Variants in MACROD2 observed in about 807,000 individuals in gnomAD.
MACROD2 encodes the protein ADP-ribose glycohydrolase MACROD2.
A neutral mutation model predicts 70.4 loss-of-function variants in MACROD2; 36 were observed. The observed-to-expected ratio is 0.51, with a 90% CI of 0.39 to 0.68. The LOEUF (loss-of-function observed/expected upper bound fraction) is 0.68, where lower values mean the gene tolerates loss of function less well. MACROD2 is among the 30% of genes least tolerant of loss of function. MACROD2 has a pLI of 0.00. For synonymous variants in MACROD2, 172 were observed against 178.8 expected (o/e 0.96, Z 0.30); for missense variants, 496 against 538.4 (o/e 0.92, Z 0.78).
At chr20:15,191,916 G>GTA (rs747272073) in intron 5 of MACROD2, among the ~76,000 whole-genome samples, 1,627 of 63,408 alleles carry the variant, frequency 0.026, 24 homozygotes, top group South Asian at 0.047. Context: ...ACACATATGT[G>GTA]TATATATATA....
intron 11 of MACROD2, among the ~76,000 whole-genome samples, chr20:15,937,119 A>G (rs1474068287): frequency 6.6e-6 from 1 of 152,196 alleles, no homozygotes; most frequent in East Asian, 1.9e-4. Flanking sequence ...ACTTTGTAGG[A>G]ACTTGCAAGG....
At chr20:15,928,948 A>AT (rs886584431) in intron 10 of MACROD2, among the ~76,000 whole-genome samples, 3 of 152,096 alleles carry the variant, frequency 2.0e-5, no homozygotes, top group African/African-American at 4.8e-5. Flanking sequence ...AAGAGTGCTA[A>AT]TTTTTTTTAA....
intron 3 of MACROD2, among the ~76,000 whole-genome samples, chr20:14,239,341 A>G (rs1002263632): frequency 2.0e-5 from 3 of 152,220 alleles, no homozygotes; most frequent in African/African-American, 7.2e-5. Flanking sequence ...TCAAGTTACC[A>G]ATGACATTCT....
At chr20:14,482,638 A>G (rs2084675919) in intron 3 of MACROD2, among the ~76,000 whole-genome samples, 1 of 152,218 alleles carries the variant, frequency 6.6e-6, no homozygotes, top group Admixed American at 6.5e-5. Context: ...TTGCTTTAAA[A>G]TGATGTGTGT....
At chr20:15,614,966 C>A (rs1309092378) in intron 8 of MACROD2, among the ~76,000 whole-genome samples, 1 of 152,204 alleles carries the variant, frequency 6.6e-6, no homozygotes, top group Admixed American at 6.5e-5. Flanking sequence ...GTAACTTTGT[C>A]TCTGCTTTGC....
intron 8 of MACROD2, among the ~76,000 whole-genome samples, chr20:15,652,715 G>C (rs1204736603): frequency 6.6e-6 from 1 of 151,602 alleles, no homozygotes; most frequent in Non-Finnish European, 1.5e-5. Flanking sequence ...GACTTTTGTG[G>C]TTTCCTAGCT....
chr20:14,104,925 T>A (rs1489348084), intron 3 of MACROD2, among the ~76,000 whole-genome samples: 4 of 152,220 alleles, frequency 2.6e-5, no homozygotes, highest in Non-Finnish European at 4.4e-5. Flanking sequence ...GTTCTTGTAA[T>A]TGCGTGGCTT....
chr20:15,389,241 A>G (rs2045760083), intron 6 of MACROD2, among the ~76,000 whole-genome samples: 1 of 152,218 alleles, frequency 6.6e-6, no homozygotes. Flanking sequence ...ATAAACAGTG[A>G]ATAAAAGTAT....
intron 3 of MACROD2, chr20:14,325,603 C>G: frequency 6.2e-7 from 1 of 1,613,308 alleles, no homozygotes; most frequent in South Asian, 1.1e-5. Flanking sequence ...GTCTCTGTAG[C>G]TTCGGTTACT....
chr20:14,442,083 A>G (rs2084130094), intron 3 of MACROD2, among the ~76,000 whole-genome samples: 1 of 152,086 alleles, frequency 6.6e-6, no homozygotes, highest in Admixed American at 6.5e-5. Flanking sequence ...CAGCCTGGCC[A>G]ACATGGCGAA....
At chr20:14,959,625 T>C (rs1456159979) in intron 5 of MACROD2, among the ~76,000 whole-genome samples, 1 of 152,160 alleles carries the variant, frequency 6.6e-6, no homozygotes, top group Non-Finnish European at 1.5e-5. Flanking sequence ...TGTACAACTC[T>C]AGGGACGGGA....
intron 5 of MACROD2, among the ~76,000 whole-genome samples, chr20:14,990,000 A>T (rs1466383715): frequency 1.3e-5 from 2 of 152,014 alleles, no homozygotes. Context: ...GATCTTGATG[A>T]GCTGTGGTTA....
intron 2 of MACROD2, among the ~76,000 whole-genome samples, chr20:14,031,319 G>C (rs1362074049): frequency 6.6e-6 from 1 of 152,086 alleles, no homozygotes; most frequent in Admixed American, 6.5e-5. Context: ...ACAATATGTA[G>C]TATCTCAGTG....
chr20:15,335,900 T>G (rs1000584694), intron 6 of MACROD2, among the ~76,000 whole-genome samples: 3 of 151,654 alleles, frequency 2.0e-5, no homozygotes, highest in Non-Finnish European at 4.4e-5. Flanking sequence ...TCACCATTCT[T>G]CATGCCCAAG....
intron 5 of MACROD2, among the ~76,000 whole-genome samples, chr20:14,770,716 A>G (rs2072153774): frequency 6.6e-6 from 1 of 152,076 alleles, no homozygotes; most frequent in Non-Finnish European, 1.5e-5. Flanking sequence ...TAATTCTCAC[A>G]ATATCCTATA....
At chr20:14,160,296 GT>G (rs2055166389) in intron 3 of MACROD2, among the ~76,000 whole-genome samples, 2 of 152,266 alleles carry the variant, frequency 1.3e-5, no homozygotes, top group South Asian at 4.1e-4. Context: ...GGGAAAATTG[GT>G]GTTAGTTCTT....
intron 4 of MACROD2, among the ~76,000 whole-genome samples, chr20:14,575,091 A>T (rs1358092370): frequency 6.6e-6 from 1 of 151,414 alleles, no homozygotes; most frequent in African/African-American, 2.4e-5. Context: ...TTTAAAAATG[A>T]TAGAAAACTG....
chr20:16,012,447 G>A (rs1247453735), intron 15 of MACROD2, among the ~76,000 whole-genome samples: 1 of 152,124 alleles, frequency 6.6e-6, no homozygotes, highest in Non-Finnish European at 1.5e-5. Context: ...TTTTGGGAAG[G>A]GAAGCAGTCA....
At chr20:14,013,273 C>CT (rs770856375) in intron 2 of MACROD2, among the ~76,000 whole-genome samples, 1,906 of 128,664 alleles carry the variant, frequency 0.015, 34 homozygotes, top group Middle Eastern at 0.024. Context: ...ACTGTACTTT[C>CT]TTTTTTTTTT....
Sources: gnomAD v4.1 joint callset for allele counts (sites outside exome capture counted in the v4.1 genomes callset) on GRCh38, gnomAD v4.1.1 for gene constraint, MANE v1.5 for transcripts, NCBI Gene and HGNC (gene_info 2026-07-23, HGNC 2026-07-21) for gene names.